Variants in DNMBP observed in about 807,000 individuals in gnomAD.
The protein encoded by DNMBP is dynamin binding protein.
Under a neutral mutation model 150.0 loss-of-function variants are expected in DNMBP, and 87 were observed. That is an observed-to-expected ratio of 0.58 (90% CI 0.49 to 0.69). The LOEUF (loss-of-function observed/expected upper bound fraction) is 0.69, where lower values mean the gene tolerates loss of function less well. DNMBP is among the 30% of genes least tolerant of loss of function. The pLI, the probability that DNMBP is intolerant of heterozygous loss-of-function variation, is 0.00. For synonymous variants in DNMBP, 711 were observed against 750.4 expected (o/e 0.95, Z 0.86); for missense variants, 1,774 against 1,949.0 (o/e 0.91, Z 1.69).
chr10:99,960,566 G>A (rs1046344152), intron 3 of DNMBP, among the ~76,000 whole-genome samples: 4 of 152,186 alleles, frequency 2.6e-5, no homozygotes, highest in African/African-American at 9.7e-5. Flanking sequence ...AGCACTTCGG[G>A]AGGCCGAGGT....
intron 4 of DNMBP, among the ~76,000 whole-genome samples, chr10:99,915,335 G>A (rs1214004336): frequency 6.6e-6 from 1 of 151,228 alleles, no homozygotes; most frequent in East Asian, 1.9e-4. Flanking sequence ...TAGGATTTGG[G>A]GGAGAAGTTG....
chr10:99,923,193 A>G (rs2040042525), intron 4 of DNMBP, among the ~76,000 whole-genome samples: 1 of 152,138 alleles, frequency 6.6e-6, no homozygotes, highest in Admixed American at 6.5e-5. Flanking sequence ...GTTCGACTCC[A>G]GCCTAGACAA....
Position 99,909,011 on chromosome 10 carries a change from T to C in DNMBP, c.2396A>G (p.Tyr799Cys). The change falls in exon 5 of 17, where the codon TAC (tyrosine) becomes TGC (cysteine). Residue 799 changes from tyrosine (Y) to cysteine (C), a missense_variant. Physicochemically the swap from Tyr to Cys is radical, Grantham distance 194. Transcript: ENST00000324109. ...IEELLQTERD[Y>C]IRDLEMCIER... ...AATACACATTTCCAGATCCCGAATG[T>C]AGTCTCTTTCTGTCTGAAGAAGTTC... 1.2e-6 allele frequency: 2 copies of C among 1,614,234 alleles called. No homozygotes were observed. The highest frequency in any genetic ancestry group is 1.7e-6 in the Non-Finnish European group (2 of 1,180,044).
intron 4 of DNMBP, among the ~76,000 whole-genome samples, chr10:99,933,792 A>G (rs1016354017): frequency 2.6e-5 from 4 of 152,148 alleles, no homozygotes; most frequent in African/African-American, 9.7e-5. Context: ...GCTGGAGTGC[A>G]GTGGCGCGAT....
intron 4 of DNMBP, among the ~76,000 whole-genome samples, chr10:99,936,040 T>C (rs1197948709): frequency 6.6e-6 from 1 of 152,042 alleles, no homozygotes; most frequent in Non-Finnish European, 1.5e-5. Context: ...GGGTACTGAG[T>C]GAGAAGGAAA....
chr10:99,897,540 T>C (rs918069792), intron 9 of DNMBP, among the ~76,000 whole-genome samples: 3 of 152,250 alleles, frequency 2.0e-5, no homozygotes, highest in Non-Finnish European at 4.4e-5. Flanking sequence ...ACTGTCTTCA[T>C]ATCTCTTGAG....
chr10:99,877,437 G>A (rs2039294314), intron 16 of DNMBP, 101 bp from the exon 17 acceptor site: 3 of 873,226 alleles, frequency 3.4e-6, no homozygotes, highest in South Asian at 1.9e-5. Context: ...ATGCCCACAT[G>A]TGGCTACTGA....
At chr10:99,974,611 C>T (rs1433682395) in intron 1 of DNMBP, among the ~76,000 whole-genome samples, 1 of 152,010 alleles carries the variant, frequency 6.6e-6, no homozygotes, top group Non-Finnish European at 1.5e-5. Flanking sequence ...GATCCTCCTG[C>T]CTCAGCCTCC....
intron 2 of DNMBP, among the ~76,000 whole-genome samples, chr10:99,971,234 T>C (rs976068850): frequency 2.6e-5 from 4 of 151,052 alleles, no homozygotes; most frequent in Non-Finnish European, 5.9e-5. Context: ...AGAGACCACA[T>C]ATGAATACAG....
At chr10:99,982,203 G>A (rs2040785792) in intron 1 of DNMBP, among the ~76,000 whole-genome samples, 1 of 152,158 alleles carries the variant, frequency 6.6e-6, no homozygotes, top group South Asian at 2.1e-4. Context: ...CCAGCACTTT[G>A]GGAGGCAGAG....
intron 3 of DNMBP, among the ~76,000 whole-genome samples, chr10:99,964,473 C>G (rs1258417913): frequency 3.3e-5 from 5 of 151,620 alleles, no homozygotes; most frequent in African/African-American, 4.9e-5. Flanking sequence ...CCTCCACCCC[C>G]CACCTTTCTT....
intron 6 of DNMBP, among the ~76,000 whole-genome samples, 171 bp downstream of exon 6, chr10:99,907,824 C>T (rs1389258429): frequency 6.6e-5 from 10 of 152,188 alleles, no homozygotes; most frequent in African/African-American, 2.2e-4. Flanking sequence ...CCTATTATTA[C>T]CCCAAAGTAG....
chr10:99,961,301 G>T (rs1275457254), intron 3 of DNMBP, among the ~76,000 whole-genome samples: 1 of 118,640 alleles, frequency 8.4e-6, no homozygotes, highest in African/African-American at 3.3e-5. Context: ...GTGGAGACAG[G>T]GTCTCACCCT....
At chr10:99,930,650 C>A in intron 4 of DNMBP, 1 of 703,022 alleles carries the variant, frequency 1.4e-6, no homozygotes, top group Non-Finnish European at 2.6e-6. Flanking sequence ...GTCCATCCAG[C>A]ACTGTAAGGT....
chr10:99,896,521 A>T (rs910216465), intron 9 of DNMBP, 124 bp from the exon 10 acceptor site: 7 of 918,972 alleles, frequency 7.6e-6, no homozygotes, highest in Admixed American at 1.9e-5. Context: ...ACAAAATATT[A>T]ATCCAAATAA....
intron 4 of DNMBP, among the ~76,000 whole-genome samples, chr10:99,936,561 C>A (rs12261921): frequency 6.6e-6 from 1 of 150,512 alleles, no homozygotes; most frequent in Non-Finnish European, 1.5e-5. Flanking sequence ...GTTGCCCAGG[C>A]CGGAGTGCAG....
intron 1 of DNMBP, among the ~76,000 whole-genome samples, chr10:99,984,772 C>G (rs2040813535): frequency 6.6e-6 from 1 of 152,166 alleles, no homozygotes; most frequent in Non-Finnish European, 1.5e-5. Flanking sequence ...CTCTGTTGCC[C>G]AGGCTAGAGT....
chr10:99,908,568 G>A (rs1446815978), intron 5 of DNMBP, among the ~76,000 whole-genome samples: 2 of 152,104 alleles, frequency 1.3e-5, no homozygotes, highest in African/African-American at 2.4e-5. Context: ...TGTTAGTAAG[G>A]GTTTCCTGGA....
intron 4 of DNMBP, 49 bp from the exon 5 acceptor site, chr10:99,909,195 AC>A: frequency 2.0e-6 from 3 of 1,485,380 alleles, no homozygotes; most frequent in Non-Finnish European, 2.8e-6. Flanking sequence ...TAAAAGCAGC[AC>A]CCTTCCACAG....
Sources: gnomAD v4.1 joint callset for allele counts (sites outside exome capture counted in the v4.1 genomes callset) on GRCh38, gnomAD v4.1.1 for gene constraint, MANE v1.5 for transcripts, NCBI Gene and HGNC (gene_info 2026-07-23, HGNC 2026-07-21) for gene names.